ZNF554: variants seen among roughly 807,000 people sequenced by gnomAD.
ZNF554 encodes the protein zinc finger protein 554.
A neutral mutation model predicts 21.2 loss-of-function variants in ZNF554; 15 were observed. That is an observed-to-expected ratio of 0.71 (90% confidence interval 0.47 to 1.09). The LOEUF is 1.09. Ranked by LOEUF, ZNF554 falls within the 50% of genes least tolerant of loss-of-function variation. The probability of loss-of-function intolerance (pLI) is 0.00; values close to 1 mark genes in which losing one functional copy is unlikely to be tolerated. For missense variants in ZNF554, 691 were observed against 662.7 expected (o/e 1.04, Z -0.47); for synonymous variants, 258 against 251.4 (o/e 1.03, Z -0.25).
chr19:2,832,341 G>C lies in ZNF554; in HGVS notation c.292G>C (p.Glu98Gln). ...KNQCTDVGIK[E>Q]GPLSPAQTSQ... Reference sequence around the variant, plus strand: ...CCAATGTACTGATGTGGGGATTAAAGAGGGTCCACTTTCCCCAGCACAAAC... The same window carrying C: ...CCAATGTACTGATGTGGGGATTAAACAGGGTCCACTTTCCCCAGCACAAAC... Residue 98 changes from glutamate to glutamine, a missense_variant, in exon 4 of 5, where the codon GAG becomes CAG. Transcript: ENST00000317243. The C allele has an allele frequency of 6.2e-7, 1 of 1,612,296 alleles. No homozygotes were observed. The highest frequency in any genetic ancestry group is 8.5e-7 in the Non-Finnish European group (1 of 1,179,290).
intron 3 of ZNF554, among the ~76,000 whole-genome samples, chr19:2,828,893 G>A (rs776217880): frequency 2.0e-5 from 3 of 152,096 alleles, no homozygotes; most frequent in Non-Finnish European, 4.4e-5. Flanking sequence ...CTGCCCCCAT[G>A]ATCTCATCAC....
intron 3 of ZNF554, among the ~76,000 whole-genome samples, chr19:2,827,977 A>G (rs1287026347): frequency 1.3e-5 from 2 of 151,804 alleles, no homozygotes; most frequent in Non-Finnish European, 2.9e-5. Context: ...GTGCAGGGGA[A>G]CTCCCATTTG....
chr19:2,834,220 T>C lies in ZNF554; in HGVS notation c.985T>C (p.Cys329Arg). ...AGAGAAACCCTTTGAGTGCCACCAG[T>C]GTGGGAAGGTGTTCAACCGGAGGCA... ...TAEKPFECHQ[C>R]GKVFNRRHSL... is the part of the protein sequence containing the mutation. The change falls in exon 5 of 5, where the codon TGT (cysteine) becomes CGT (arginine). Residue 329 changes from cysteine (C) to arginine (R), a missense_variant. Physicochemically the swap from Cys to Arg is radical, Grantham distance 180. Coordinates refer to ENST00000317243, the MANE Select transcript of ZNF554 (RefSeq NM_001102651.2). The C allele has an allele frequency of 1.9e-6, 3 of 1,613,888 alleles. No homozygotes were observed. The highest frequency in any genetic ancestry group is 1.1e-5 in the South Asian group (1 of 91,072).
Position 2,834,966 on chromosome 19 carries a change from C to T in ZNF554, c.*114C>T, listed in dbSNP as rs905291570. 2.1e-6 allele frequency: 2 copies of T among 958,588 alleles called. No homozygotes were observed. Among genetic ancestry groups the T allele is most frequent in the Middle Eastern group, 2.3e-4 (1 of 4,396 alleles). The allele number at this position is 958,588 out of a possible 1,614,324, so 59.4% of individuals were successfully genotyped here. A position where few individuals can be genotyped will look rare whatever the true frequency, so the allele number is the denominator to read the frequency against. ...AAGAAGTGGGTTTATGTCACCTTCTCACCTTCTTATAAGAAAGCTCTGAGA... is the reference window on the plus strand; with the variant it reads ...AAGAAGTGGGTTTATGTCACCTTCTTACCTTCTTATAAGAAAGCTCTGAGA... On this transcript the variant is annotated 3_prime_UTR_variant, in exon 5 of 5. Coordinates refer to ENST00000317243, the MANE Select transcript of ZNF554 (RefSeq NM_001102651.2).
chr19:2,829,367 T>C (rs988606902), intron 3 of ZNF554, among the ~76,000 whole-genome samples: 2 of 149,336 alleles, frequency 1.3e-5, no homozygotes, highest in Non-Finnish European at 3.0e-5. Flanking sequence ...TCAAAAAATA[T>C]ATATACAGCA....
rs949279075 is a variant in ZNF554, at chr19:2,835,197, G to A, written c.*345G>A. ...AATTTATTATAGAGTGGGAGGCAGG[G>A]TGCGGTGGCTCATGCCTATAATCCT... On this transcript the variant is annotated 3_prime_UTR_variant, in exon 5 of 5. Transcript: ENST00000317243. 8.1e-5 allele frequency: 17 copies of A among 209,538 alleles called. No homozygotes were observed. Among genetic ancestry groups the A allele is most frequent in the Non-Finnish European group, 1.6e-4 (16 of 101,900 alleles). 13.0% of individuals were successfully genotyped at this position (209,538 alleles called of 1,614,324 possible). A position where few individuals can be genotyped will look rare whatever the true frequency, so the allele number is the denominator to read the frequency against.
At chr19:2,833,376 G>T (rs1035741218) in intron 4 of ZNF554, 4 of 195,178 alleles carry the variant, frequency 2.0e-5, no homozygotes, top group South Asian at 1.3e-4. Context: ...CACCTGCCTC[G>T]GCCTCCCAAG....
At chr19:2,828,757 A>G in intron 3 of ZNF554, among the ~76,000 whole-genome samples, 1 of 152,092 alleles carries the variant, frequency 6.6e-6, no homozygotes, top group Non-Finnish European at 1.5e-5. Flanking sequence ...GACACTTACA[A>G]TCACGGCAGA....
chr19:2,824,523 C>T (rs1477830385), intron 2 of ZNF554, among the ~76,000 whole-genome samples: 1 of 152,240 alleles, frequency 6.6e-6, no homozygotes, highest in Non-Finnish European at 1.5e-5. Context: ...AGGAAGGCAT[C>T]CTCCTCTTTA....
rs762586098 is a variant in ZNF554, at chr19:2,820,684, C to CTTTTTTTTTTTTTTTTTTTTTTTTT, written c.53+576_53+577insTTTTTTTTTTTTTTTTTTTTTTTTT. ...TCCTGGTGATAAGACAGCAAGGGTC[C>CTTTTTTTTTTTTTTTTTTTTTTTTT]TTTTTTTTTTTTTTTTGAGACGGAG... On this transcript the variant is annotated intron_variant, in intron 1 of 4. Transcript: ENST00000317243. 8.2e-3 allele frequency among the ~76,000 whole-genome samples: 847 copies of CTTTTTTTTTTTTTTTTTTTTTTTTT among 102,852 alleles called. 107 individuals are homozygous for CTTTTTTTTTTTTTTTTTTTTTTTTT. The highest frequency in any genetic ancestry group is 0.015 in the Middle Eastern group (3 of 196). 67.5% of individuals were successfully genotyped at this position (102,852 alleles called of 152,430 possible). A position where few individuals can be genotyped will look rare whatever the true frequency, so the allele number is the denominator to read the frequency against.
chr19:2,826,986 C>T (rs1330025658), intron 2 of ZNF554, among the ~76,000 whole-genome samples: 2 of 152,142 alleles, frequency 1.3e-5, no homozygotes, highest in Non-Finnish European at 2.9e-5. Flanking sequence ...TTACATTGTC[C>T]ATGCCTTGTA....
chr19:2,824,198 C>T (rs1413509058), intron 2 of ZNF554, among the ~76,000 whole-genome samples: 2 of 152,130 alleles, frequency 1.3e-5, no homozygotes, highest in African/African-American at 4.8e-5. Flanking sequence ...GCTCCTGCCT[C>T]GCCCACTTGG....
intron 1 of ZNF554, among the ~76,000 whole-genome samples, chr19:2,820,679 G>A (rs1209091135): frequency 1.1e-5 from 1 of 90,978 alleles, no homozygotes; most frequent in Non-Finnish European, 2.2e-5. Context: ...AAGACAGCAA[G>A]GGTCCTTTTT....
At chr19:2,833,208 C>G in intron 4 of ZNF554, 1 of 152,358 alleles carries the variant, frequency 6.6e-6, no homozygotes, top group Admixed American at 6.6e-5. Context: ...GTGATCTCGG[C>G]TCACTGCAAC....
rs1426349436 is a variant in ZNF554, at chr19:2,821,679, A to G, written c.54-1361A>G. On this transcript the variant is annotated intron_variant, in intron 1 of 4. Coordinates refer to ENST00000317243, the MANE Select transcript of ZNF554 (RefSeq NM_001102651.2). The surrounding 1 kb of genome is among the most constrained non-coding windows in gnomAD (Gnocchi z 8.2). ...TTTCTCCTTTTTTGTTTTTATTTTT[A>G]TTTTTTGAGATGGGGTCTCGGTCTG... Among the ~76,000 whole-genome samples the G allele has an allele frequency of 3.4e-5, 5 of 148,298 alleles. No homozygotes were observed. Among genetic ancestry groups the G allele is most frequent in the African/African-American group, 1.0e-4 (4 of 38,736 alleles).
chr19:2,824,742 G>A (rs950853534), intron 2 of ZNF554, among the ~76,000 whole-genome samples: 15 of 152,124 alleles, frequency 9.9e-5, no homozygotes, highest in Admixed American at 6.6e-4. Context: ...CGTCTTAGCC[G>A]TTTTCAAGTG....
At chr19:2,823,880 G>A (rs191045288) in intron 2 of ZNF554, among the ~76,000 whole-genome samples, 7 of 152,228 alleles carry the variant, frequency 4.6e-5, no homozygotes, top group Non-Finnish European at 7.4e-5. Flanking sequence ...GTCGAAAGAG[G>A]CACCATGAGT....
rs2087460325 is a variant in ZNF554 at position 2,834,074 on chromosome 19, A to T, written c.839A>T (p.Asn280Ile). ...RRPCESNECG[N>I]AIRQNSHFIQ... ...CCTTGTGAAAGTAATGAATGTGGAA[A>T]TGCCATCCGCCAGAACAGTCACTTT... The change falls in exon 5 of 5, where the codon AAT becomes ATT. Residue 280 changes from asparagine (N) to isoleucine (I), a missense_variant. Coordinates refer to ENST00000317243, the MANE Select transcript of ZNF554 (RefSeq NM_001102651.2). 1 of 1,614,124 alleles carries T rather than the reference A, an allele frequency of 6.2e-7. No homozygotes were observed. Among genetic ancestry groups the T allele is most frequent in the African/African-American group, 1.3e-5 (1 of 75,064 alleles).
At chr19:2,825,054 A>G (rs536286348) in intron 2 of ZNF554, among the ~76,000 whole-genome samples, 19 of 126,498 alleles carry the variant, frequency 1.5e-4, no homozygotes, top group South Asian at 2.5e-4. Context: ...GCTCTGTTGC[A>G]CAGGTTGGAG....
Sources: gnomAD v4.1 joint callset for allele counts (sites outside exome capture counted in the v4.1 genomes callset) on GRCh38, gnomAD v4.1.1 for gene constraint, Gnocchi (gnomAD v3.1) non-coding constraint, MANE v1.5 for transcripts, NCBI Gene and HGNC (gene_info 2026-07-23, HGNC 2026-07-21) for gene names.